The following ANKIB1 variants were observed in gnomAD, a reference collection of about 807,000 sequenced individuals.
The protein encoded by ANKIB1 is ankyrin repeat and IBR domain containing 1.
ANKIB1 carries 43 observed loss-of-function variants against 122.1 expected under a neutral mutation model. The ratio of observed to expected loss-of-function variants is 0.35; its 90% CI spans 0.28 to 0.45. The LOEUF is 0.45. Ranked by LOEUF, ANKIB1 falls within the 20% of genes least tolerant of loss-of-function variation. The pLI, the probability that ANKIB1 is intolerant of heterozygous loss-of-function variation, is 1.00. For missense variants in ANKIB1, 992 were observed against 1,329.5 expected, an observed-to-expected ratio of 0.75 and a Z score of 3.95; for synonymous variants, 390 against 442.0, an observed-to-expected ratio of 0.88 and a Z score of 1.48.
At chr7:92,302,437 A>G (rs1802476118) in intron 2 of ANKIB1, among the ~76,000 whole-genome samples, 1 of 151,748 alleles carries the variant, frequency 6.6e-6, no homozygotes, top group Admixed American at 6.6e-5. Context: ...GCACCTTTGC[A>G]TCTCTCTCTC....
chr7:92,329,704 G>A (rs879912852), intron 5 of ANKIB1, among the ~76,000 whole-genome samples: 2 of 152,168 alleles, frequency 1.3e-5, no homozygotes, highest in African/African-American at 2.4e-5. Flanking sequence ...CCAGAAACTT[G>A]AAAGTCATAT....
chr7:92,378,094 A>G (rs1247552921), intron 11 of ANKIB1, among the ~76,000 whole-genome samples: 1 of 152,224 alleles, frequency 6.6e-6, no homozygotes, highest in Non-Finnish European at 1.5e-5. Flanking sequence ...ATAAAACTCT[A>G]CAGATATTAG....
chr7:92,383,909 A>G (rs983767124), intron 11 of ANKIB1, among the ~76,000 whole-genome samples: 3 of 152,162 alleles, frequency 2.0e-5, no homozygotes, highest in African/African-American at 7.2e-5. Flanking sequence ...GGCAAGAGAA[A>G]GAAATAGAGT....
intron 10 of ANKIB1, among the ~76,000 whole-genome samples, chr7:92,366,055 G>C (rs1804074768): frequency 6.6e-6 from 1 of 151,942 alleles, no homozygotes; most frequent in Non-Finnish European, 1.5e-5. Flanking sequence ...GCCTCCCAAA[G>C]TGCTGGGATT....
chr7:92,389,710 T>G (rs1159955092), intron 14 of ANKIB1, among the ~76,000 whole-genome samples: 1 of 152,184 alleles, frequency 6.6e-6, no homozygotes, highest in East Asian at 1.9e-4. Flanking sequence ...GATGAGTATG[T>G]GCATTCCTTT....
intron 1 of ANKIB1, among the ~76,000 whole-genome samples, chr7:92,253,067 A>G (rs989823860): frequency 6.6e-6 from 1 of 152,170 alleles, no homozygotes; most frequent in South Asian, 2.1e-4. Context: ...TAGGCAAAAC[A>G]CACACTCATG....
intron 10 of ANKIB1, among the ~76,000 whole-genome samples, chr7:92,367,445 G>C (rs1284540871): frequency 6.6e-6 from 1 of 152,152 alleles, no homozygotes. Context: ...AAAAGGAAAA[G>C]TGTGATTAGG....
intron 3 of ANKIB1, among the ~76,000 whole-genome samples, chr7:92,316,002 G>A: frequency 6.6e-6 from 1 of 152,002 alleles, no homozygotes; most frequent in East Asian, 1.9e-4. Flanking sequence ...GAATAGTAGG[G>A]GTTACCTCTC....
chr7:92,333,461 T>C (rs538145383), intron 5 of ANKIB1, among the ~76,000 whole-genome samples: 1 of 152,302 alleles, frequency 6.6e-6, no homozygotes, highest in African/African-American at 2.4e-5. Context: ...TTTTATCTGG[T>C]TAACTCCCAC....
intron 5 of ANKIB1, among the ~76,000 whole-genome samples, chr7:92,335,711 T>G (rs1803273276): frequency 2.6e-5 from 4 of 152,142 alleles, no homozygotes; most frequent in Middle Eastern, 3.4e-3. Flanking sequence ...AAATAGCATT[T>G]GGTTCAGTTC....
intron 1 of ANKIB1, among the ~76,000 whole-genome samples, chr7:92,264,295 A>G (rs530135269): frequency 1.2e-4 from 18 of 152,088 alleles, no homozygotes; most frequent in African/African-American, 3.9e-4. Context: ...GAAAGAGGCA[A>G]TGGCATTGTG....
At chr7:92,381,588 A>G (rs1161141740) in intron 11 of ANKIB1, among the ~76,000 whole-genome samples, 1 of 152,238 alleles carries the variant, frequency 6.6e-6, no homozygotes, top group Admixed American at 6.5e-5. Context: ...GCTAATATTC[A>G]ACATTCTTAA....
intron 1 of ANKIB1, among the ~76,000 whole-genome samples, chr7:92,246,800 A>T (rs1585064967): frequency 6.6e-6 from 1 of 152,020 alleles, no homozygotes; most frequent in African/African-American, 2.4e-5. Context: ...TCCTCAAAGG[A>T]TCTGTGTCCT....
intron 3 of ANKIB1, 68 bp downstream of exon 3, chr7:92,307,724 G>GT (rs201863693): frequency 0.22 from 195,780 of 888,858 alleles, 1,255 homozygotes; most frequent in East Asian, 0.37. Context: ...TAACTGTCAG[G>GT]TTTTTTTTTT....
chr7:92,388,159 T>C, intron 14 of ANKIB1, 118 bp downstream of exon 14: 2 of 993,664 alleles, frequency 2.0e-6, no homozygotes, highest in African/African-American at 1.6e-5. Context: ...GTTCTGGTAC[T>C]GTTTTGAGTT....
intron 3 of ANKIB1, 102 bp from the exon 4 acceptor site, chr7:92,319,228 T>G: frequency 1.3e-6 from 1 of 750,278 alleles, no homozygotes; most frequent in Non-Finnish European, 2.1e-6. Context: ...ACTGTTGCAT[T>G]TTTGTTGTGT....
intron 1 of ANKIB1, among the ~76,000 whole-genome samples, chr7:92,281,461 C>CTGAA (rs1802011153): frequency 6.6e-6 from 1 of 152,188 alleles, no homozygotes; most frequent in Admixed American, 6.5e-5. Context: ...GGATAGCCAT[C>CTGAA]TGAAGCCTGC....
intron 1 of ANKIB1, among the ~76,000 whole-genome samples, chr7:92,290,519 T>C (rs904950914): frequency 2.8e-4 from 43 of 151,562 alleles, no homozygotes; most frequent in African/African-American, 9.7e-4. Context: ...GAAGACTAAA[T>C]TGAGTATGAG....
intron 2 of ANKIB1, among the ~76,000 whole-genome samples, chr7:92,302,422 T>C (rs1197854228): frequency 1.3e-5 from 2 of 152,178 alleles, no homozygotes; most frequent in Non-Finnish European, 2.9e-5. Flanking sequence ...AATATGGTAA[T>C]AGATGCACCT....
Sources: allele counts gnomAD v4.1 joint callset (sites outside exome capture counted in the v4.1 genomes callset), GRCh38; gene constraint gnomAD v4.1.1; transcripts MANE v1.5; gene names NCBI Gene and HGNC (gene_info 2026-07-23, HGNC 2026-07-21).